The following PAQR3 variants were observed in gnomAD, a reference collection of about 807,000 sequenced individuals.
PAQR3 encodes Raf kinase trapping to Golgi.
PAQR3 carries 39 observed loss-of-function variants against 41.7 expected under a neutral mutation model. That is an observed-to-expected ratio of 0.93 (90% CI 0.72 to 1.22). PAQR3 has a LOEUF of 1.22. PAQR3 is among the 50% of genes most tolerant of loss of function. PAQR3 has a pLI of 0.00. For synonymous variants in PAQR3, 140 were observed against 140.6 expected (o/e 1.00, Z 0.03); for missense variants, 366 against 385.6 (o/e 0.95, Z 0.42).
chr4:78,893,382 A>G (rs1459358967), intron 11 of PAQR3, among the ~76,000 whole-genome samples: 2 of 152,170 alleles, frequency 1.3e-5, no homozygotes, highest in Non-Finnish European at 2.9e-5. Flanking sequence ...ATCATCCATG[A>G]GGGTTGGAGT....
intron 5 of PAQR3, chr4:78,922,249 C>G: frequency 1.6e-6 from 2 of 1,225,940 alleles, no homozygotes; most frequent in Non-Finnish European, 2.1e-6. Context: ...CGCAGGTTTT[C>G]CCTTGTATTT....
rs1214056660 is a variant in PAQR3 at position 78,917,536 on chromosome 4, T to A, written c.*3003A>T. 2 of 151,938 alleles carry A rather than the reference T, an allele frequency of 1.3e-5. No homozygotes were observed. Among genetic ancestry groups the A allele is most frequent in the African/African-American group, 4.8e-5 (2 of 41,362 alleles). 9.4% of individuals were successfully genotyped at this position (151,938 alleles called of 1,614,324 possible). A position where few individuals can be genotyped will look rare whatever the true frequency, so the allele number is the denominator to read the frequency against. On this transcript the variant is annotated 3_prime_UTR_variant, in exon 6 of 6. Transcript: ENST00000512733. Reference sequence around the variant, plus strand: ...TTTCAGAGGACTGTATTTACACCTCTTTAGTGTAAACACAGTTATTGTGAT... The same window carrying A: ...TTTCAGAGGACTGTATTTACACCTCATTAGTGTAAACACAGTTATTGTGAT...
chr4:78,900,410 T>C (rs974090598), intron 11 of PAQR3, among the ~76,000 whole-genome samples: 1 of 152,270 alleles, frequency 6.6e-6, no homozygotes. Context: ...CAACTGTATA[T>C]AGAAAGACTG....
chr4:78,895,069 A>G (rs1178994448), intron 11 of PAQR3, among the ~76,000 whole-genome samples: 1 of 152,230 alleles, frequency 6.6e-6, no homozygotes, highest in Non-Finnish European at 1.5e-5. Flanking sequence ...AAGATCACTG[A>G]TCACAGGGTC....
rs1265440519 is a variant in PAQR3, at chr4:78,920,461, A to T, written c.*78T>A. 1 of 1,438,134 alleles carries T rather than the reference A, an allele frequency of 7.0e-7. No individual in the cohort carries two copies. Among genetic ancestry groups the T allele is most frequent in the Non-Finnish European group, 9.2e-7 (1 of 1,092,064 alleles). 89.1% of individuals were successfully genotyped at this position (1,438,134 alleles called of 1,614,324 possible). On this transcript the variant is annotated 3_prime_UTR_variant, in exon 6 of 6. Coordinates refer to ENST00000512733, the MANE Select transcript of PAQR3 (RefSeq NM_001040202.2). ...AAGGAAAAAGGGAAAACTAATGGGA[A>T]TCTTAGAAATAGTGGGGTATACAAT... is the stretch of plus-strand genomic sequence containing the variant.
At chr4:78,911,457 C>A (rs769894741), downstream of PAQR3, 5 of 1,614,016 alleles carry the variant, frequency 3.1e-6, no homozygotes, top group Non-Finnish European at 4.2e-6. Flanking sequence ...AGCAAAAAGT[C>A]AAACAGCGCA....
intron 1 of PAQR3, among the ~76,000 whole-genome samples, chr4:78,937,072 G>GA (rs964389677): frequency 2.0e-5 from 3 of 152,142 alleles, no homozygotes; most frequent in Non-Finnish European, 4.4e-5. Context: ...CCCTGAGAAT[G>GA]ACCCTATATG....
chr4:78,926,507 T>A lies in PAQR3; in HGVS notation c.702+14A>T. 1.3e-6 allele frequency: 2 copies of A among 1,584,598 alleles called. No homozygotes were observed. The highest frequency in any genetic ancestry group is 1.7e-6 in the Non-Finnish European group (2 of 1,160,570). The stretch of plus-strand genomic sequence containing the variant: ...AAAAAAAAAAGAGAAAAATATTAAC[T>A]ACACTCAACCTACCTGTACAATAGG... On this transcript the variant is annotated intron_variant, in intron 4 of 5. Transcript: ENST00000512733.
chr4:78,921,584 G>T, intron 5 of PAQR3: 1 of 798,986 alleles, frequency 1.3e-6, no homozygotes, highest in Non-Finnish European at 1.5e-6. Context: ...AACAAATATT[G>T]ATTATCTAAT....
At chr4:78,922,747 T>C (rs1380089549) in intron 5 of PAQR3, 1 of 367,028 alleles carries the variant, frequency 2.7e-6, no homozygotes, top group Non-Finnish European at 5.4e-6. Context: ...CATCTAATCC[T>C]TACCCTAACC....
intron 11 of PAQR3, among the ~76,000 whole-genome samples, chr4:78,903,232 A>G (rs1389506691): frequency 1.3e-5 from 2 of 151,962 alleles, no homozygotes; most frequent in South Asian, 2.1e-4. Flanking sequence ...ATGTTCTTGT[A>G]TTTATTTGGT....
At chr4:78,923,987 G>T in intron 4 of PAQR3, 40 bp from the exon 5 acceptor site, 1 of 1,364,606 alleles carries the variant, frequency 7.3e-7, no homozygotes, top group Non-Finnish European at 1.0e-6. Context: ...TCTTCCTACT[G>T]TTACTGAACT....
At chr4:78,911,268 G>C (rs757210070), downstream of PAQR3, 10 of 1,613,986 alleles carry the variant, frequency 6.2e-6, no homozygotes, top group South Asian at 8.8e-5. Context: ...GCAAGAAGGT[G>C]AATGTACAAG....
At chr4:78,892,756 A>G (rs185371653) in intron 11 of PAQR3, among the ~76,000 whole-genome samples, 144 of 152,318 alleles carry the variant, frequency 9.5e-4, no homozygotes, top group African/African-American at 3.2e-3. Context: ...CATTTACGCT[A>G]TGCTGTAATC....
chr4:78,912,152 TA>T lies in PAQR3; in HGVS notation c.*8386del, dbSNP rs1734670825. On this transcript the variant is annotated 3_prime_UTR_variant, in exon 6 of 6. Transcript: ENST00000512733. ...ATTCATTCTTAAAGATCAGTCAGAA[TA>T]GGTGATTTCTAAATAAACCAAATAG... The T allele has an allele frequency of 3.3e-6, 3 of 908,348 alleles. No homozygotes were observed. The highest frequency in any genetic ancestry group is 3.4e-6 in the Non-Finnish European group (2 of 585,846). 56.3% of individuals were successfully genotyped at this position (908,348 alleles called of 1,614,324 possible).
rs1468003783 is a variant in PAQR3 at position 78,919,013 on chromosome 4, G to C, written c.*1526C>G. 1 of 984,810 alleles carries C rather than the reference G, an allele frequency of 1.0e-6. No individual in the cohort carries two copies. Among genetic ancestry groups the C allele is most frequent in the African/African-American group, 1.7e-5 (1 of 57,148 alleles). 61.0% of individuals were successfully genotyped at this position (984,810 alleles called of 1,614,324 possible). A position where few individuals can be genotyped will look rare whatever the true frequency, so the allele number is the denominator to read the frequency against. ...GGGTAAGACACGGTATTCCTTTACTGAGCCTCCTGGGGGGAAATTCTCTTT... is the reference window on the plus strand; with the variant it reads ...GGGTAAGACACGGTATTCCTTTACTCAGCCTCCTGGGGGGAAATTCTCTTT... On this transcript the variant is annotated 3_prime_UTR_variant, in exon 6 of 6. Coordinates refer to ENST00000512733, the MANE Select transcript of PAQR3 (RefSeq NM_001040202.2).
At chr4:78,928,188 T>C (rs746582854) in intron 3 of PAQR3, among the ~76,000 whole-genome samples, 2 of 152,152 alleles carry the variant, frequency 1.3e-5, no homozygotes, top group Non-Finnish European at 2.9e-5. Context: ...AAATACAGAA[T>C]AAGATAAGCA....
chr4:78,915,188 T>G lies in PAQR3; in HGVS notation c.*5351A>C, dbSNP rs1002441916. The G allele has an allele frequency of 2.0e-5, 3 of 152,106 alleles. No individual in the cohort carries two copies. Among genetic ancestry groups the G allele is most frequent in the African/African-American group, 7.2e-5 (3 of 41,546 alleles). The allele number at this position is 152,106 out of a possible 1,614,324, so 9.4% of individuals were successfully genotyped here. A position where few individuals can be genotyped will look rare whatever the true frequency, so the allele number is the denominator to read the frequency against. ...TTACGACATTATCCGGATTTGCAAA[T>G]AGACACAACTTTCAGTCTTACCCTG... On this transcript the variant is annotated 3_prime_UTR_variant, in exon 6 of 6. Transcript: ENST00000512733.
At chr4:78,903,517 A>G (rs1310571485) in intron 11 of PAQR3, among the ~76,000 whole-genome samples, 2 of 151,986 alleles carry the variant, frequency 1.3e-5, no homozygotes, top group East Asian at 3.8e-4. Flanking sequence ...ACTAAATAAA[A>G]TGAATTATGT....
Sources: gnomAD v4.1 joint callset for allele counts (sites outside exome capture counted in the v4.1 genomes callset) on GRCh38, gnomAD v4.1.1 for gene constraint, MANE v1.5 for transcripts, NCBI Gene and HGNC (gene_info 2026-07-23, HGNC 2026-07-21) for gene names.